Variants in KCNH1 observed in about 807,000 individuals in gnomAD.
KCNH1 encodes voltage-gated delayed rectifier potassium channel KCNH1.
KCNH1 carries 27 observed loss-of-function variants against 69.2 expected under a neutral mutation model. The ratio of observed to expected loss-of-function variants is 0.39; its 90% CI spans 0.29 to 0.54. KCNH1 has a LOEUF of 0.54. KCNH1 is among the 20% of genes least tolerant of loss of function. The pLI, the probability that KCNH1 is intolerant of heterozygous loss-of-function variation, is 0.68. For synonymous variants in KCNH1, 456 were observed against 487.7 expected, an observed-to-expected ratio of 0.93 and a Z score of 0.86; for missense variants, 798 against 1,261.6, an observed-to-expected ratio of 0.63 and a Z score of 5.57.
intron 6 of KCNH1, among the ~76,000 whole-genome samples, chr1:210,954,762 T>A (rs1688135521): frequency 6.6e-6 from 1 of 152,226 alleles, no homozygotes; most frequent in Non-Finnish European, 1.5e-5. Flanking sequence ...GTTTTTTTCT[T>A]GTAACTTTGT....
intron 10 of KCNH1, among the ~76,000 whole-genome samples, chr1:210,706,070 C>T (rs557290205): frequency 6.6e-6 from 1 of 152,204 alleles, no homozygotes; most frequent in African/African-American, 2.4e-5. Flanking sequence ...CAACAAGACT[C>T]GAACCCAGAG....
intron 5 of KCNH1, among the ~76,000 whole-genome samples, chr1:211,023,153 AAT>A (rs1558571737): frequency 5.0e-5 from 5 of 100,774 alleles, no homozygotes; most frequent in African/African-American, 1.8e-4. Flanking sequence ...TAAATAAATA[AAT>A]AAATAAATTA....
chr1:211,097,651 G>T (rs1691181362), intron 3 of KCNH1, among the ~76,000 whole-genome samples: 1 of 152,202 alleles, frequency 6.6e-6, no homozygotes, highest in Admixed American at 6.5e-5. Flanking sequence ...CTCAAAGGCA[G>T]AGTCAGTTTC....
chr1:210,831,029 G>A (rs1224269543), intron 7 of KCNH1, among the ~76,000 whole-genome samples: 1 of 152,164 alleles, frequency 6.6e-6, no homozygotes, highest in African/African-American at 2.4e-5. Context: ...AACTGCTACA[G>A]AGCTTTAAAA....
At chr1:210,902,077 A>G (rs1185989177) in intron 7 of KCNH1, among the ~76,000 whole-genome samples, 3 of 152,180 alleles carry the variant, frequency 2.0e-5, no homozygotes, top group Non-Finnish European at 2.9e-5. Context: ...GACCAGGATG[A>G]ACAGACTCCA....
intron 10 of KCNH1, among the ~76,000 whole-genome samples, chr1:210,718,048 A>G (rs962494068): frequency 6.6e-6 from 1 of 151,986 alleles, no homozygotes; most frequent in Admixed American, 6.6e-5. Context: ...TGGCGGTTGC[A>G]GTGAGCTGAG....
In KCNH1 at chr1:211,082,880, C is replaced by T. The variant is rs1690883239; in HGVS notation, c.458G>A (p.Arg153Gln). Residue 153 changes from arginine to glutamine, a missense_variant, in exon 5 of 11, where the codon CGG becomes CAG. Arg to Gln is a conservative substitution (Grantham distance 43, BLOSUM62 1). Transcript: ENST00000271751. Reference sequence around the variant, plus strand: ...GCTGCTTGTCAGTGCTCTTGTCAGCCGAGCAAACTTCCCCCAGCCTGAAGC... The same window carrying T: ...GCTGCTTGTCAGTGCTCTTGTCAGCTGAGCAAACTTCCCCCAGCCTGAAGC... The part of the protein sequence containing the change: ...DSCKGWGKFA[R>Q]LTRALTSSRG... The T allele has an allele frequency of 6.2e-7, 1 of 1,613,814 alleles. No homozygotes were observed. The highest frequency in any genetic ancestry group is 8.5e-7 in the Non-Finnish European group (1 of 1,179,876).
intron 10 of KCNH1, among the ~76,000 whole-genome samples, chr1:210,688,370 T>C (rs1278523382): frequency 6.6e-6 from 1 of 152,216 alleles, no homozygotes; most frequent in Non-Finnish European, 1.5e-5. Flanking sequence ...AGGACTCCAT[T>C]GCAGATGCAT....
At chr1:210,784,057 C>T (rs999340594) in intron 9 of KCNH1, among the ~76,000 whole-genome samples, 3 of 152,190 alleles carry the variant, frequency 2.0e-5, no homozygotes, top group Admixed American at 6.5e-5. Flanking sequence ...TAATATCACT[C>T]ACTTTCCAGC....
intron 4 of KCNH1, among the ~76,000 whole-genome samples, chr1:211,087,813 T>A (rs1270434200): frequency 1.3e-5 from 2 of 152,068 alleles, no homozygotes; most frequent in Non-Finnish European, 2.9e-5. Flanking sequence ...CCTACCTAGC[T>A]CATAAAAAGG....
intron 10 of KCNH1, among the ~76,000 whole-genome samples, chr1:210,706,285 TG>T (rs1256638881): frequency 6.6e-6 from 1 of 152,174 alleles, no homozygotes; most frequent in Non-Finnish European, 1.5e-5. Flanking sequence ...CGTGCCTGGG[TG>T]GGGAGCATTC....
intron 10 of KCNH1, among the ~76,000 whole-genome samples, chr1:210,757,150 C>G (rs1574237219): frequency 6.6e-6 from 1 of 152,166 alleles, no homozygotes; most frequent in African/African-American, 2.4e-5. Flanking sequence ...GGCTGTCATC[C>G]CAGTGATGAA....
chr1:210,686,962 G>A (rs1408634735), intron 10 of KCNH1, among the ~76,000 whole-genome samples: 2 of 152,110 alleles, frequency 1.3e-5, no homozygotes, highest in African/African-American at 4.8e-5. Flanking sequence ...AATATTTGTG[G>A]AATGTAGAAC....
At chr1:210,909,830 T>C (rs1405936188) in intron 7 of KCNH1, among the ~76,000 whole-genome samples, 1 of 152,222 alleles carries the variant, frequency 6.6e-6, no homozygotes, top group Non-Finnish European at 1.5e-5. Flanking sequence ...GGGGCAGTTT[T>C]TGATGCCAAC....
intron 5 of KCNH1, among the ~76,000 whole-genome samples, chr1:211,064,723 T>C (rs925174935): frequency 3.9e-5 from 6 of 152,084 alleles, no homozygotes; most frequent in Admixed American, 2.0e-4. Context: ...GAAGATCATA[T>C]TTGCAAATCA....
At chr1:211,099,813 G>C (rs1358581961) in intron 3 of KCNH1, among the ~76,000 whole-genome samples, 1 of 152,040 alleles carries the variant, frequency 6.6e-6, no homozygotes. Flanking sequence ...GGCTCTGCCT[G>C]GGGCTCCCAA....
chr1:211,079,315 G>T (rs1395969050), intron 5 of KCNH1, among the ~76,000 whole-genome samples: 1 of 152,154 alleles, frequency 6.6e-6, no homozygotes, highest in African/African-American at 2.4e-5. Flanking sequence ...TGAAATTGAG[G>T]CAATAATTAA....
intron 10 of KCNH1, among the ~76,000 whole-genome samples, chr1:210,725,216 C>T (rs1028239704): frequency 1.3e-5 from 2 of 152,158 alleles, no homozygotes; most frequent in Non-Finnish European, 2.9e-5. Context: ...CGTAGCTGCA[C>T]TACACAGACA....
At chr1:210,811,484 C>A (rs1433796511) in intron 7 of KCNH1, among the ~76,000 whole-genome samples, 1 of 152,100 alleles carries the variant, frequency 6.6e-6, no homozygotes, top group Non-Finnish European at 1.5e-5. Flanking sequence ...TGCTTTCCAG[C>A]TTTCAAATTT....
Sources: gnomAD v4.1 joint callset for allele counts (sites outside exome capture counted in the v4.1 genomes callset) on GRCh38, gnomAD v4.1.1 for gene constraint, MANE v1.5 for transcripts, NCBI Gene and HGNC (gene_info 2026-07-23, HGNC 2026-07-21) for gene names.